PXYLP1: variants seen among roughly 807,000 people sequenced by gnomAD.
The protein encoded by PXYLP1 is acid phosphatase-like 2.
In PXYLP1, 17 loss-of-function variants were observed where a neutral mutation model predicts 37.9. The observed-to-expected ratio is 0.45, with a 90% confidence interval of 0.31 to 0.67. PXYLP1 has a LOEUF of 0.67. Among genes scored for constraint, PXYLP1 ranks in the 30% least tolerant of loss-of-function variants. PXYLP1 has a pLI of 0.07. For missense variants in PXYLP1, 511 were observed against 612.0 expected, an observed-to-expected ratio of 0.84 and a Z score of 1.74; for synonymous variants, 221 against 232.2, an observed-to-expected ratio of 0.95 and a Z score of 0.44.
At chr3:141,265,436 G>C (rs1941485240) in intron 2 of PXYLP1, among the ~76,000 whole-genome samples, 1 of 151,966 alleles carries the variant, frequency 6.6e-6, no homozygotes, top group Non-Finnish European at 1.5e-5. Context: ...CAAACTCCCT[G>C]GGTGAGTCTA....
intron 2 of PXYLP1, chr3:141,267,243 T>A (rs911416581): frequency 6.6e-6 from 1 of 152,216 alleles, no homozygotes; most frequent in African/African-American, 2.4e-5. Context: ...TATGTTTGAA[T>A]GTGGGGATGC....
chr3:141,275,477 C>T (rs559598639), intron 2 of PXYLP1, among the ~76,000 whole-genome samples: 38 of 152,378 alleles, frequency 2.5e-4, no homozygotes, highest in African/African-American at 8.2e-4. Flanking sequence ...AGTGTGCCCA[C>T]AGGCATGGCC....
At chr3:141,252,692 C>T (rs1373733189) in intron 1 of PXYLP1, among the ~76,000 whole-genome samples, 2 of 152,178 alleles carry the variant, frequency 1.3e-5, no homozygotes, top group Non-Finnish European at 2.9e-5. Flanking sequence ...CAAACCATAG[C>T]ACCACCTCAG....
intron 1 of PXYLP1, among the ~76,000 whole-genome samples, chr3:141,242,093 G>A (rs1039457660): frequency 6.6e-6 from 1 of 152,188 alleles, no homozygotes; most frequent in Non-Finnish European, 1.5e-5. Flanking sequence ...AGAGGATGAA[G>A]TTCTAAAGTT....
intron 5 of PXYLP1, among the ~76,000 whole-genome samples, chr3:141,290,333 C>T (rs529837049): frequency 1.4e-4 from 22 of 152,316 alleles, no homozygotes; most frequent in African/African-American, 4.8e-4. Context: ...GTCAGACAGA[C>T]CTGTAGCATG....
At chr3:141,272,936 G>C (rs764486364) in intron 2 of PXYLP1, 95 of 957,442 alleles carry the variant, frequency 9.9e-5, no homozygotes, top group Admixed American at 1.2e-4. Flanking sequence ...AATACTTTGT[G>C]TTCTTCAACC....
intron 1 of PXYLP1, chr3:141,232,477 G>A (rs1940543909): frequency 1.3e-5 from 2 of 152,290 alleles, no homozygotes; most frequent in South Asian, 4.1e-4. Flanking sequence ...CCCGGAGACG[G>A]GGCTGGCTCC....
At chr3:141,278,105 C>T (rs1359837935) in intron 2 of PXYLP1, among the ~76,000 whole-genome samples, 1 of 152,162 alleles carries the variant, frequency 6.6e-6, no homozygotes, top group East Asian at 1.9e-4. Context: ...GCTTGGGAGG[C>T]TCCCCTGGTG....
At chr3:141,240,684 TAAC>T (rs749072119) in intron 1 of PXYLP1, among the ~76,000 whole-genome samples, 14 of 152,146 alleles carry the variant, frequency 9.2e-5, no homozygotes, top group Non-Finnish European at 1.8e-4. Context: ...AGGATTCTCT[TAAC>T]AAGAAAGAAT....
chr3:141,273,608 C>T lies in PXYLP1; in HGVS notation c.80-4734C>T, dbSNP rs907735195. The T allele has an allele frequency of 4.1e-6, 4 of 985,150 alleles. No individual in the cohort carries two copies. The African/African-American group carries it at 7.0e-5, about 17-fold the overall frequency. 61.0% of individuals were successfully genotyped at this position (985,150 alleles called of 1,614,324 possible). A position where few individuals can be genotyped will look rare whatever the true frequency, so the allele number is the denominator to read the frequency against. On this transcript the variant is annotated intron_variant, in intron 2 of 5. Transcript: ENST00000286353. The stretch of plus-strand genomic sequence containing the variant: ...TGGTTGCTTTTGAGAGGGAGGGTCC[C>T]AAGGAGATGCTTTAGAGGTCATGTT...
rs1240721244 is a variant in PXYLP1 at position 141,274,682 on chromosome 3, A to G, written c.80-3660A>G. On this transcript the variant is annotated intron_variant, in intron 2 of 5. Coordinates refer to ENST00000286353, the MANE Select transcript of PXYLP1 (RefSeq NM_001037172.3). ...CGGGGGATATAAATGTGAAAGACGCACACTCCCAGCCCTCTGGATGTTTGG... is the reference window on the plus strand; with the variant it reads ...CGGGGGATATAAATGTGAAAGACGCGCACTCCCAGCCCTCTGGATGTTTGG... 4.2e-6 allele frequency: 3 copies of G among 708,758 alleles called. No homozygotes were observed. In the African/African-American group the frequency reaches 5.2e-5, roughly 12 times the overall value. The allele number at this position is 708,758 out of a possible 1,614,324, so 43.9% of individuals were successfully genotyped here. A position where few individuals can be genotyped will look rare whatever the true frequency, so the allele number is the denominator to read the frequency against.
rs114274920 is a variant in PXYLP1, at chr3:141,246,681, C to T, written c.-53-13442C>T. Among the ~76,000 whole-genome samples, 397 of 152,326 alleles carry T rather than the reference C, an allele frequency of 2.6e-3. 2 individuals are homozygous for T. Among genetic ancestry groups the T allele is most frequent in the African/African-American group, 9.0e-3 (376 of 41,570 alleles). On this transcript the variant is annotated intron_variant, in intron 1 of 5. Transcript: ENST00000286353. ...GGTTAAGCACCTGCTCTGGACCAGG[C>T]AGTGTTCTTGGCCCTGGGGATACAT...
intron 4 of PXYLP1, among the ~76,000 whole-genome samples, chr3:141,280,716 C>T (rs1028492117): frequency 2.0e-5 from 3 of 152,214 alleles, no homozygotes; most frequent in African/African-American, 7.2e-5. Context: ...ATCTGGGTCA[C>T]GAGCAATACC....
At chr3:141,242,788 G>C (rs950709996) in intron 1 of PXYLP1, among the ~76,000 whole-genome samples, 5 of 152,168 alleles carry the variant, frequency 3.3e-5, no homozygotes, top group African/African-American at 1.2e-4. Flanking sequence ...TGTTTTCCAG[G>C]ATGGATCTCA....
At chr3:141,233,645 T>C (rs1390661053) in intron 1 of PXYLP1, among the ~76,000 whole-genome samples, 2 of 152,122 alleles carry the variant, frequency 1.3e-5, no homozygotes, top group East Asian at 3.8e-4. Context: ...CTGTTAGGGA[T>C]TGGCTCCTGG....
intron 1 of PXYLP1, chr3:141,258,775 A>G (rs1335393394): frequency 6.5e-6 from 1 of 153,954 alleles, no homozygotes; most frequent in African/African-American, 2.4e-5. Context: ...GTGGATGAGA[A>G]CTAACTGCTG....
intron 1 of PXYLP1, among the ~76,000 whole-genome samples, chr3:141,255,728 G>A (rs1200702713): frequency 2.0e-5 from 3 of 152,230 alleles, no homozygotes; most frequent in Admixed American, 1.3e-4. Context: ...TGGCAGGAAG[G>A]GAACCAAGGA....
intron 4 of PXYLP1, among the ~76,000 whole-genome samples, chr3:141,281,894 C>G (rs1266863151): frequency 1.3e-5 from 2 of 152,230 alleles, no homozygotes; most frequent in South Asian, 2.1e-4. Flanking sequence ...TGGGTAGGAA[C>G]TAGGTTATCT....
intron 1 of PXYLP1, among the ~76,000 whole-genome samples, chr3:141,246,500 G>T (rs1281646924): frequency 6.6e-6 from 1 of 152,178 alleles, no homozygotes; most frequent in Non-Finnish European, 1.5e-5. Context: ...TGGGATCCAG[G>T]GCATGGTCAG....
Sources: allele counts gnomAD v4.1 joint callset (sites outside exome capture counted in the v4.1 genomes callset), GRCh38; gene constraint gnomAD v4.1.1; transcripts MANE v1.5; gene names NCBI Gene and HGNC (gene_info 2026-07-23, HGNC 2026-07-21).